The following APBB2 variants were observed in gnomAD, a reference collection of about 807,000 sequenced individuals.
APBB2 encodes the protein amyloid beta precursor protein binding family B member 2.
In APBB2, 38 loss-of-function variants were observed where a neutral mutation model predicts 82.5. The observed-to-expected ratio is 0.46, with a 90% CI of 0.36 to 0.60. APBB2 has a LOEUF of 0.60. Among genes scored for constraint, APBB2 ranks in the 20% least tolerant of loss-of-function variants. The pLI, the probability that APBB2 is intolerant of heterozygous loss-of-function variation, is 0.00. For missense variants in APBB2, 772 were observed against 972.3 expected (o/e 0.79, Z 2.74); for synonymous variants, 341 against 368.2 (o/e 0.93, Z 0.85).
chr4:41,155,489 C>T (rs1763222660), intron 1 of APBB2, among the ~76,000 whole-genome samples: 1 of 152,206 alleles, frequency 6.6e-6, no homozygotes, highest in Non-Finnish European at 1.5e-5. Flanking sequence ...ATGGGAAACA[C>T]TGATCTATTC....
In APBB2 at chr4:40,946,254, A is replaced by AAAAAAAAAAAAAAAAAAAAAAAAAAAAAC. The variant is rs1553875174; in HGVS notation, c.836-1182_836-1181insGTTTTTTTTTTTTTTTTTTTTTTTTTTTT. On this transcript the variant is annotated intron_variant, in intron 6 of 17. Transcript: ENST00000508593. ...CTCCAAAAAAAAAAAAAAAAAAAAA[A>AAAAAAAAAAAAAAAAAAAAAAAAAAAAAC]CATTCCCAAGGAAAGCAGATTGGAA... Among the ~76,000 whole-genome samples the AAAAAAAAAAAAAAAAAAAAAAAAAAAAAC allele has an allele frequency of 1.2e-4, 14 of 114,558 alleles. 1 individual carries two copies. Among genetic ancestry groups the AAAAAAAAAAAAAAAAAAAAAAAAAAAAAC allele is most frequent in the East Asian group, 2.8e-4 (1 of 3,570 alleles). 75.2% of individuals were successfully genotyped at this position (114,558 alleles called of 152,430 possible).
chr4:40,824,972 C>T lies in APBB2; in HGVS notation c.1816+915G>A, dbSNP rs114214113. Among the ~76,000 whole-genome samples the T allele has an allele frequency of 3.3e-3, 506 of 152,290 alleles. 3 individuals are homozygous for T. Among genetic ancestry groups the T allele is most frequent in the African/African-American group, 0.011 (462 of 41,554 alleles). On this transcript the variant is annotated intron_variant, in intron 15 of 17. Transcript: ENST00000508593. Reference sequence around the variant, plus strand: ...CATATGAACGTAATCACACAGTATGCAGTCTTTTGGGACTGACTTCCCTCA... The same window carrying T: ...CATATGAACGTAATCACACAGTATGTAGTCTTTTGGGACTGACTTCCCTCA...
chr4:40,944,900 T>G lies in APBB2; in HGVS notation c.1009A>C (p.Ser337Arg). The change falls in exon 7 of 18, where the codon AGT (serine) becomes CGT (arginine). Residue 337 changes from serine to arginine, a missense_variant. Ser to Arg is a moderately radical substitution (Grantham distance 110). Transcript: ENST00000508593. ...DLQGSRKGSL[S>R]SVTPSPTPEN... ...GGGGTGGGAGATGGCGTTACAGAAC[T>G]AAGTGACCCTTTCCTAGAACCCTGG... 6.2e-7 allele frequency: 1 copy of G among 1,613,366 alleles called. No individual in the cohort carries two copies. The highest frequency in any genetic ancestry group is 1.1e-5 in the South Asian group (1 of 91,032).
At chr4:41,202,063 C>T (rs1216093859) in intron 1 of APBB2, among the ~76,000 whole-genome samples, 3 of 152,182 alleles carry the variant, frequency 2.0e-5, no homozygotes, top group African/African-American at 7.2e-5. Context: ...CAGTCTAGTG[C>T]AAATTAATTT....
rs372870517 is a variant in APBB2, at chr4:41,104,608, G to C, written c.-260-3858C>G. On this transcript the variant is annotated intron_variant, in intron 2 of 17. Transcript: ENST00000508593. ...CAGGTAATGAGCATAATACCCAATA[G>C]GTAGTTTTGCAATCCTCACCCTCCT... Among the ~76,000 whole-genome samples, 7 of 152,248 alleles carry C rather than the reference G, an allele frequency of 4.6e-5. No homozygotes were observed. In the East Asian group the frequency reaches 7.7e-4, roughly 17 times the overall value.
At chr4:40,935,456 A>G in intron 7 of APBB2, 1 of 292,958 alleles carries the variant, frequency 3.4e-6, no homozygotes, top group South Asian at 6.5e-5. Flanking sequence ...GTATTCAATA[A>G]CTAGCATACC....
intron 6 of APBB2, among the ~76,000 whole-genome samples, chr4:40,974,705 A>G (rs1485753725): frequency 6.6e-6 from 1 of 152,232 alleles, no homozygotes; most frequent in African/African-American, 2.4e-5. Flanking sequence ...TAACATGATC[A>G]GAGAATATCT....
At chr4:41,097,362 T>C (rs975652249) in intron 3 of APBB2, among the ~76,000 whole-genome samples, 1 of 152,198 alleles carries the variant, frequency 6.6e-6, no homozygotes, top group Non-Finnish European at 1.5e-5. Context: ...AGATTCTAAA[T>C]GGGGAATCCT....
At chr4:41,031,305 C>T (rs1425669005) in intron 5 of APBB2, among the ~76,000 whole-genome samples, 1 of 152,076 alleles carries the variant, frequency 6.6e-6, no homozygotes, top group East Asian at 1.9e-4. Flanking sequence ...TCACAGCTCC[C>T]TAGAGTTAGA....
intron 1 of APBB2, among the ~76,000 whole-genome samples, chr4:41,198,305 G>A: frequency 6.6e-6 from 1 of 152,338 alleles, no homozygotes; most frequent in South Asian, 2.1e-4. Flanking sequence ...CAGGGATCCT[G>A]TCTGCCTGGG....
At chr4:41,003,432 C>A (rs1805778613) in intron 6 of APBB2, among the ~76,000 whole-genome samples, 1 of 152,024 alleles carries the variant, frequency 6.6e-6, no homozygotes, top group Non-Finnish European at 1.5e-5. Flanking sequence ...AACCATATAC[C>A]CACGAAAATT....
intron 4 of APBB2, among the ~76,000 whole-genome samples, chr4:41,059,253 G>A (rs1200516227): frequency 1.3e-5 from 2 of 152,254 alleles, no homozygotes; most frequent in Non-Finnish European, 2.9e-5. Context: ...CTGAGGTCAG[G>A]AGTTTGAGAC....
At position 41,038,851 on chromosome 4, in the gene APBB2, T is replaced by C. The variant is rs540343269; in HGVS notation, c.-50-5547A>G. ...ATTTCAATAAGCAAATTCTCAGGTA[T>C]GACTATTCCAGCAGTCGTAATAAAC... is the stretch of plus-strand genomic sequence containing the variant. On this transcript the variant is annotated intron_variant, in intron 4 of 17. Transcript: ENST00000508593. 1.2e-4 allele frequency among the ~76,000 whole-genome samples: 19 copies of C among 152,360 alleles called. No homozygotes were observed. In the East Asian group the frequency reaches 2.1e-3, roughly 17 times the overall value.
At chr4:40,882,653 A>C (rs1768980334) in intron 12 of APBB2, among the ~76,000 whole-genome samples, 1 of 152,190 alleles carries the variant, frequency 6.6e-6, no homozygotes. Flanking sequence ...CCAGAGTCTA[A>C]CAGGTAGCAG....
chr4:40,879,220 G>A (rs1767728230), intron 12 of APBB2, among the ~76,000 whole-genome samples: 1 of 151,880 alleles, frequency 6.6e-6, no homozygotes, highest in Non-Finnish European at 1.5e-5. Flanking sequence ...GGACCTGGAA[G>A]GAAACTGGTG....
At chr4:40,863,262 A>G (rs898639153) in intron 12 of APBB2, among the ~76,000 whole-genome samples, 9 of 152,254 alleles carry the variant, frequency 5.9e-5, no homozygotes, top group African/African-American at 2.2e-4. Context: ...TGTCAGAAGC[A>G]TTCACCATGG....
chr4:41,108,587 C>T (rs1448479954), intron 2 of APBB2, among the ~76,000 whole-genome samples: 2 of 152,288 alleles, frequency 1.3e-5, no homozygotes, highest in South Asian at 2.1e-4. Flanking sequence ...TGGTGAGAAA[C>T]GCTGTGCAGG....
chr4:40,946,146 C>T (rs975928986), intron 6 of APBB2, among the ~76,000 whole-genome samples: 9 of 148,456 alleles, frequency 6.1e-5, no homozygotes, highest in Non-Finnish European at 1.2e-4. Context: ...GCAGGAGAAA[C>T]GCTTCAACCC....
intron 1 of APBB2, among the ~76,000 whole-genome samples, chr4:41,184,837 C>T (rs1273264584): frequency 1.3e-5 from 2 of 152,364 alleles, no homozygotes; most frequent in East Asian, 3.9e-4. Context: ...ACATTCACTG[C>T]AGAGCTCTCT....
Sources: allele counts gnomAD v4.1 joint callset (sites outside exome capture counted in the v4.1 genomes callset), GRCh38; gene constraint gnomAD v4.1.1; transcripts MANE v1.5; gene names NCBI Gene and HGNC (gene_info 2026-07-23, HGNC 2026-07-21).